GCKR: variants seen among roughly 807,000 people sequenced by gnomAD.
GCKR encodes glucokinase regulatory protein.
Under a neutral mutation model 82.9 loss-of-function variants are expected in GCKR, and 73 were observed. The observed-to-expected ratio is 0.88, with a 90% CI of 0.73 to 1.07. The LOEUF (loss-of-function observed/expected upper bound fraction) is 1.07, where lower values mean the gene tolerates loss of function less well. GCKR is among the 50% of genes least tolerant of loss of function. GCKR has a pLI of 0.00. For missense variants in GCKR, 784 were observed against 782.1 expected (o/e 1.00, Z -0.03); for synonymous variants, 294 against 291.8 (o/e 1.01, Z -0.08).
intron 17 of GCKR, among the ~76,000 whole-genome samples, chr2:27,520,016 A>G (rs1166569385): frequency 2.0e-5 from 3 of 152,118 alleles, no homozygotes; most frequent in Non-Finnish European, 2.9e-5. Flanking sequence ...AAATAAAAAT[A>G]CAGGACGCCC....
At chr2:27,512,873 G>A (rs1246599187) in intron 16 of GCKR, among the ~76,000 whole-genome samples, 2 of 152,262 alleles carry the variant, frequency 1.3e-5, no homozygotes, top group East Asian at 3.9e-4. Context: ...GTAAGTCCAG[G>A]TCAGTTGTTT....
Position 27,498,773 on chromosome 2 carries a change from C to T in GCKR, c.404C>T (p.Thr135Ile). 6.2e-7 allele frequency: 1 copy of T among 1,606,054 alleles called. No homozygotes were observed. Among genetic ancestry groups the T allele is most frequent in the South Asian group, 1.1e-5 (1 of 90,888 alleles). ...MKGLGQKPLYTYLIAGGDRSV... is the reference protein window; with the variant it reads ...MKGLGQKPLYIYLIAGGDRSV... The stretch of plus-strand genomic sequence containing the variant: ...GGTCTGGGACAGAAACCTCTTTACA[C>T]CTACCTCATTGCAGGTGGTGACAGG... Residue 135 changes from threonine to isoleucine, a missense_variant, in exon 5 of 19, where the codon ACC (threonine) becomes ATC (isoleucine). Coordinates refer to ENST00000264717, the MANE Select transcript of GCKR (RefSeq NM_001486.4).
At chr2:27,501,066 C>T in intron 7 of GCKR, 69 bp from the exon 8 acceptor site, 5 of 1,026,156 alleles carry the variant, frequency 4.9e-6, no homozygotes, top group East Asian at 2.4e-5. Flanking sequence ...GGTTCTGATG[C>T]ACTTGAGCCT....
intron 8 of GCKR, among the ~76,000 whole-genome samples, chr2:27,502,528 A>G (rs1270574124): frequency 6.6e-6 from 1 of 152,168 alleles, no homozygotes; most frequent in Non-Finnish European, 1.5e-5. Context: ...AAAACTCCCC[A>G]GATGATTTGG....
intron 8 of GCKR, chr2:27,501,835 T>C (rs1383943323): frequency 4.3e-6 from 2 of 466,120 alleles, no homozygotes; most frequent in Non-Finnish European, 8.9e-6. Context: ...AAACCAGTAG[T>C]GCTCAGATGT....
chr2:27,509,705 T>G (rs1669835078), intron 16 of GCKR: 1 of 158,190 alleles, frequency 6.3e-6, no homozygotes, highest in South Asian at 1.7e-4. Context: ...ATAGATACAT[T>G]TTTTATAGTA....
chr2:27,523,549 AG>A lies in GCKR; in HGVS notation c.*113del. 1 of 1,097,534 alleles carries A rather than the reference AG, an allele frequency of 9.1e-7. No homozygotes were observed. 68.0% of individuals were successfully genotyped at this position (1,097,534 alleles called of 1,614,324 possible). A position where few individuals can be genotyped will look rare whatever the true frequency, so the allele number is the denominator to read the frequency against. ...TGTGGGAGGAAGAAGCCCCGTTTCC[AG>A]GGCATCCGCAGCCCAGGGTAGGGAG... On this transcript the variant is annotated 3_prime_UTR_variant, in exon 19 of 19. Coordinates refer to ENST00000264717, the MANE Select transcript of GCKR (RefSeq NM_001486.4).
At chr2:27,503,692 T>G in intron 9 of GCKR, 73 bp downstream of exon 9, 1 of 788,774 alleles carries the variant, frequency 1.3e-6, no homozygotes, top group Non-Finnish European at 2.3e-6. Flanking sequence ...CCTTGGGGCC[T>G]CTGATTTTAG....
intron 17 of GCKR, 60 bp from the exon 18 acceptor site, chr2:27,522,400 A>G: frequency 1.3e-6 from 2 of 1,576,082 alleles, no homozygotes; most frequent in Non-Finnish European, 1.7e-6. Context: ...TTCTCCCTTG[A>G]CTCCATTCTT....
intron 9 of GCKR, 130 bp downstream of exon 9, chr2:27,503,749 A>C: frequency 1.5e-6 from 1 of 685,050 alleles, no homozygotes; most frequent in Non-Finnish European, 2.7e-6. Context: ...TGAGTCAGCT[A>C]AAATGTTATA....
chr2:27,497,518 C>A, intron 2 of GCKR, 44 bp from the exon 3 acceptor site: 1 of 1,567,996 alleles, frequency 6.4e-7, no homozygotes, highest in Non-Finnish European at 8.8e-7. Context: ...CCCCATTCAT[C>A]GTCCTCCTTT....
In GCKR at chr2:27,519,349, T is replaced by C. The variant is rs372440315; in HGVS notation, c.1572+412T>C. Among the ~76,000 whole-genome samples the C allele has an allele frequency of 9.2e-5, 14 of 152,082 alleles. 1 individual carries two copies. Among genetic ancestry groups the C allele is most frequent in the African/African-American group, 3.4e-4 (14 of 41,482 alleles). On this transcript the variant is annotated intron_variant, in intron 17 of 18. Coordinates refer to ENST00000264717, the MANE Select transcript of GCKR (RefSeq NM_001486.4). ...TGGGGTCTTGCTCTATCGCCCAGGC[T>C]GGAGTATAGCGGTGCTATTTCAGCT... is the stretch of plus-strand genomic sequence containing the variant.
intron 12 of GCKR, among the ~76,000 whole-genome samples, 161 bp downstream of exon 12, chr2:27,507,046 C>G (rs1669766065): frequency 6.6e-6 from 1 of 152,144 alleles, no homozygotes; most frequent in Non-Finnish European, 1.5e-5. Context: ...CTTAGAACCC[C>G]AACTCAGTCC....
chr2:27,508,164 C>A lies in GCKR; in HGVS notation c.1339-4C>A, dbSNP rs377564909. 3.1e-6 allele frequency: 5 copies of A among 1,604,886 alleles called. No homozygotes were observed. Among genetic ancestry groups the A allele is most frequent in the Non-Finnish European group, 4.3e-6 (5 of 1,172,084 alleles). ...CTCTCCTGCTCCTCTTTCTCTCTCT[C>A]CAGATCCCTCTGAAGAAGCTCTTTC... On this transcript the variant is annotated splice_polypyrimidine_tract_variant and splice_region_variant and intron_variant, in intron 15 of 18. Transcript: ENST00000264717.
In GCKR at chr2:27,497,297, C is replaced by T; in HGVS notation, c.114C>T (p.Thr38=). 6.2e-7 allele frequency: 1 copy of T among 1,614,088 alleles called. No individual in the cohort carries two copies. The highest frequency in any genetic ancestry group is 1.1e-5 in the South Asian group (1 of 91,086). The part of the protein sequence containing the change: ...VPITEKSNPL[T]QDLDKADAEN... ...TCACGGAGAAGTCAAACCCACTGAC[C>T]CAGGATCTAGACAAAGCAGATGCTG... is the stretch of plus-strand genomic sequence containing the variant. Residue 38 remains threonine, a synonymous_variant, in exon 2 of 19, where the codon ACC becomes ACT. Transcript: ENST00000264717.
At position 27,523,649 on chromosome 2, in the gene GCKR, A is replaced by G. The variant is rs1336048229; in HGVS notation, c.*210A>G. ...TTTCTACTCTCACCGACTTATTCTG[A>G]TTTCAGAAATAAAATGAAATGTCTT... On this transcript the variant is annotated 3_prime_UTR_variant, in exon 19 of 19. Coordinates refer to ENST00000264717, the MANE Select transcript of GCKR (RefSeq NM_001486.4). 1.7e-6 allele frequency: 1 copy of G among 584,606 alleles called. No individual in the cohort carries two copies. Among genetic ancestry groups the G allele is most frequent in the Non-Finnish European group, 3.1e-6 (1 of 327,218 alleles). The allele number at this position is 584,606 out of a possible 1,614,324, so 36.2% of individuals were successfully genotyped here. A position where few individuals can be genotyped will look rare whatever the true frequency, so the allele number is the denominator to read the frequency against.
In GCKR at chr2:27,497,382, G is replaced by C; in HGVS notation, c.199G>C (p.Ala67Pro). 1 of 1,614,000 alleles carries C rather than the reference G, an allele frequency of 6.2e-7. No homozygotes were observed. Among genetic ancestry groups the C allele is most frequent in the Non-Finnish European group, 8.5e-7 (1 of 1,180,038 alleles). The stretch of plus-strand genomic sequence containing the variant: ...TGAGATCTTCCAGGAGGAGGGGCAA[G>C]CCCTGTCCACATACCAGGTAACCAA... ...DAEIFQEEGQ[A>P]LSTYQRLYSE... Residue 67 changes from alanine to proline, a missense_variant, in exon 2 of 19, where the codon GCC becomes CCC. Transcript: ENST00000264717.
rs1416722708 is a variant in GCKR at position 27,507,920 on chromosome 2, C to T, written c.1241-57C>T. The T allele has an allele frequency of 2.3e-6, 3 of 1,296,560 alleles. No individual in the cohort carries two copies. In the East Asian group the frequency reaches 6.9e-5, roughly 30 times the overall value. The allele number at this position is 1,296,560 out of a possible 1,614,324, so 80.3% of individuals were successfully genotyped here. ...CCTGACTGGACCCCAGCCAGGGGAGCAGGAGGAACAGCTGCACAGCCAGCC... is the reference window on the plus strand; with the variant it reads ...CCTGACTGGACCCCAGCCAGGGGAGTAGGAGGAACAGCTGCACAGCCAGCC... On this transcript the variant is annotated intron_variant, in intron 14 of 18. Coordinates refer to ENST00000264717, the MANE Select transcript of GCKR (RefSeq NM_001486.4).
chr2:27,501,519 A>C (rs1418923857), intron 8 of GCKR, among the ~76,000 whole-genome samples: 1 of 152,256 alleles, frequency 6.6e-6, no homozygotes, highest in Non-Finnish European at 1.5e-5. Flanking sequence ...ACAAGGAATA[A>C]AATGGAGGAT....
Sources: allele counts gnomAD v4.1 joint callset (sites outside exome capture counted in the v4.1 genomes callset), GRCh38; gene constraint gnomAD v4.1.1; transcripts MANE v1.5; gene names NCBI Gene and HGNC (gene_info 2026-07-23, HGNC 2026-07-21).